Variants in ZNF341 observed in about 807,000 individuals in gnomAD.
The protein encoded by ZNF341 is zinc finger protein 341.
Under a neutral mutation model 87.7 loss-of-function variants are expected in ZNF341, and 52 were observed. That is an observed-to-expected ratio of 0.59 (90% CI 0.47 to 0.75). The LOEUF is 0.75. Among genes scored for constraint, ZNF341 ranks in the 30% least tolerant of loss-of-function variants. The pLI is 0.00. For synonymous variants in ZNF341, 459 were observed against 472.7 expected, an observed-to-expected ratio of 0.97 and a Z score of 0.38; for missense variants, 977 against 1,145.9, an observed-to-expected ratio of 0.85 and a Z score of 2.13.
intron 7 of ZNF341, among the ~76,000 whole-genome samples, chr20:33,759,115 GCA>G (rs2019240262): frequency 6.6e-6 from 1 of 152,216 alleles, no homozygotes; most frequent in Non-Finnish European, 1.5e-5. Context: ...CCTCCCCTCT[GCA>G]GAACAGGCTG....
intron 2 of ZNF341, among the ~76,000 whole-genome samples, chr20:33,743,335 A>ATTT (rs143611794): frequency 1.3e-4 from 14 of 108,074 alleles, no homozygotes; most frequent in Non-Finnish European, 1.8e-4. Context: ...ACCCTGCCCA[A>ATTT]TTTTTTTTTT....
chr20:33,742,355 C>A (rs1283749594), intron 2 of ZNF341, among the ~76,000 whole-genome samples: 1 of 152,116 alleles, frequency 6.6e-6, no homozygotes, highest in Non-Finnish European at 1.5e-5. Context: ...CGCCACCATG[C>A]CCAGCTAATT....
chr20:33,754,511 G>T lies in ZNF341; in HGVS notation c.741+1088G>T, dbSNP rs557996484. 2.6e-5 allele frequency among the ~76,000 whole-genome samples: 4 copies of T among 152,296 alleles called. No individual in the cohort carries two copies. The South Asian group carries it at 6.2e-4, about 24-fold the overall frequency. ...GAAGATCCCACCACGAGGCATTCAC[G>T]TGATGTTCTGAGGGGCTGCGAGGGG... On this transcript the variant is annotated intron_variant, in intron 5 of 14. Coordinates refer to ENST00000375200, the MANE Select transcript of ZNF341 (RefSeq NM_001282933.2).
In ZNF341 at chr20:33,791,557, C is replaced by T. The variant is rs777730117; in HGVS notation, c.*40C>T. 9 of 1,502,114 alleles carry T rather than the reference C, an allele frequency of 6.0e-6. No homozygotes were observed. The highest frequency in any genetic ancestry group is 1.4e-5 in the African/African-American group (1 of 72,178). 93.0% of individuals were successfully genotyped at this position (1,502,114 alleles called of 1,614,324 possible). ...CTGTTTCCTGGGCAGGCCTGATGCTCCTGTTTGGGTCCAGGGCCCCTGGGG... is the reference window on the plus strand; with the variant it reads ...CTGTTTCCTGGGCAGGCCTGATGCTTCTGTTTGGGTCCAGGGCCCCTGGGG... On this transcript the variant is annotated 3_prime_UTR_variant, in exon 15 of 15. Coordinates refer to ENST00000375200, the MANE Select transcript of ZNF341 (RefSeq NM_001282933.2).
Position 33,757,269 on chromosome 20 carries a change from G to A in ZNF341, c.863G>A (p.Gly288Asp), listed in dbSNP as rs144685026. 10 of 1,605,676 alleles carry A rather than the reference G, an allele frequency of 6.2e-6. No homozygotes were observed. In the African/African-American group the frequency reaches 1.2e-4, roughly 19 times the overall value. The change falls in exon 6 of 15, where the codon GGC (glycine) becomes GAC (aspartate). Residue 288 changes from glycine to aspartate, a missense_variant. This residue lies in a region of ZNF341 where 515 missense variants were observed against 598.2 expected (regional missense o/e 0.86). Coordinates refer to ENST00000375200, the MANE Select transcript of ZNF341 (RefSeq NM_001282933.2). The stretch of plus-strand genomic sequence containing the variant: ...GCCCCCATGACCAGCGCCACCGGGG[G>A]CACGGTGGCCACCTTTGACTCTCCA... ...PAAPMTSATG[G>D]TVATFDSPAT...
intron 9 of ZNF341, among the ~76,000 whole-genome samples, chr20:33,768,901 C>A (rs1041438242): frequency 6.6e-6 from 1 of 152,068 alleles, no homozygotes; most frequent in East Asian, 1.9e-4. Flanking sequence ...GAAAGTGAGT[C>A]AGAATTTTAC....
At chr20:33,756,714 A>G (rs146241890) in intron 5 of ZNF341, among the ~76,000 whole-genome samples, 188 of 152,286 alleles carry the variant, frequency 1.2e-3, no homozygotes, top group African/African-American at 3.9e-3. Flanking sequence ...AAGAATAGAC[A>G]GGGCAAATAA....
chr20:33,769,076 CT>C lies in ZNF341; in HGVS notation c.1414-1005del, dbSNP rs1452329963. On this transcript the variant is annotated intron_variant, in intron 9 of 14. Transcript: ENST00000375200. ...CCTGCAAGACAACAAAACCTGTGAC[CT>C]TTGGGGTTATCTTCTCTATCTGACA... is the stretch of plus-strand genomic sequence containing the variant. 1.1e-4 allele frequency among the ~76,000 whole-genome samples: 16 copies of C among 152,210 alleles called. No individual in the cohort carries two copies. The East Asian group carries it at 3.1e-3, about 29-fold the overall frequency.
At chr20:33,761,816 C>G (rs200724823) in intron 7 of ZNF341, 46 bp from the exon 8 acceptor site, 11 of 1,398,118 alleles carry the variant, frequency 7.9e-6, no homozygotes, top group Non-Finnish European at 1.0e-5. Context: ...GCTGAGGCCT[C>G]GTCCCCGTTC....
intron 1 of ZNF341, among the ~76,000 whole-genome samples, chr20:33,735,783 G>T (rs1206512090): frequency 3.3e-5 from 5 of 151,886 alleles, no homozygotes; most frequent in African/African-American, 1.2e-4. Context: ...ACAGAACAGG[G>T]GCATCACTCC....
At chr20:33,767,079 A>C in intron 9 of ZNF341, 38 bp downstream of exon 9, 1 of 1,583,832 alleles carries the variant, frequency 6.3e-7, no homozygotes. Context: ...ACACCACACC[A>C]GTCGAAACCT....
At chr20:33,735,670 T>A (rs1480827940) in intron 1 of ZNF341, among the ~76,000 whole-genome samples, 11 of 152,178 alleles carry the variant, frequency 7.2e-5, no homozygotes, top group Non-Finnish European at 1.5e-5. Context: ...TAGATTCACA[T>A]GCAGTTGTGG....
intron 2 of ZNF341, among the ~76,000 whole-genome samples, chr20:33,742,504 C>G (rs1413179016): frequency 6.6e-6 from 1 of 151,790 alleles, no homozygotes. Flanking sequence ...CAAGTCGAGA[C>G]AGGATTTCAT....
At chr20:33,754,498 A>G (rs1413848979) in intron 5 of ZNF341, among the ~76,000 whole-genome samples, 1 of 152,182 alleles carries the variant, frequency 6.6e-6, no homozygotes, top group African/African-American at 2.4e-5. Flanking sequence ...AGATCCCACC[A>G]CGAGGCATTC....
chr20:33,742,953 A>G (rs906942245), intron 2 of ZNF341, among the ~76,000 whole-genome samples: 1 of 151,876 alleles, frequency 6.6e-6, no homozygotes, highest in Non-Finnish European at 1.5e-5. Context: ...ACGAGTTGAG[A>G]GTGGTGTGCA....
intron 2 of ZNF341, among the ~76,000 whole-genome samples, chr20:33,743,488 C>T (rs2018854438): frequency 6.6e-6 from 1 of 151,596 alleles, no homozygotes; most frequent in Non-Finnish European, 1.5e-5. Context: ...TACAGGCATG[C>T]ACCATCATGC....
rs553344137 is a variant in ZNF341 at position 33,788,859 on chromosome 20, G to A, written c.1853-4G>A. On this transcript the variant is annotated splice_region_variant and splice_polypyrimidine_tract_variant and intron_variant, in intron 12 of 14. Transcript: ENST00000375200. ...CTGGCTCTCCCTGTCTGTGTCTGCT[G>A]CAGGTGAGAAGCCCTACAAATGCTC... is the stretch of plus-strand genomic sequence containing the variant. The A allele has an allele frequency of 1.9e-6, 3 of 1,613,350 alleles. No individual in the cohort carries two copies. Among genetic ancestry groups the A allele is most frequent in the East Asian group, 4.5e-5 (2 of 44,860 alleles).
intron 9 of ZNF341, 108 bp from the exon 10 acceptor site, chr20:33,769,976 G>A: frequency 1.4e-6 from 1 of 701,492 alleles, no homozygotes; most frequent in Non-Finnish European, 2.5e-6. Flanking sequence ...AGAGGGAGCA[G>A]TGGTCAGATC....
chr20:33,770,983 G>A (rs958399615), intron 10 of ZNF341, among the ~76,000 whole-genome samples: 12 of 152,010 alleles, frequency 7.9e-5, no homozygotes, highest in African/African-American at 2.4e-4. Flanking sequence ...TTAGCCGGGC[G>A]TGGTGGTGGG....
Sources: allele counts gnomAD v4.1 joint callset (sites outside exome capture counted in the v4.1 genomes callset), GRCh38; gene constraint gnomAD v4.1.1; regional missense constraint gnomAD v4.1.1; transcripts MANE v1.5; gene names NCBI Gene and HGNC (gene_info 2026-07-23, HGNC 2026-07-21).